SLC13A3: variants seen among roughly 807,000 people sequenced by gnomAD.
SLC13A3 encodes the protein solute carrier family 13 member 3.
SLC13A3 carries 40 observed loss-of-function variants against 59.0 expected under a neutral mutation model. That is an observed-to-expected ratio of 0.68 (90% CI 0.53 to 0.88). SLC13A3 has a LOEUF of 0.88. Ranked by LOEUF, SLC13A3 falls within the 40% of genes least tolerant of loss-of-function variation. The pLI, the probability that SLC13A3 is intolerant of heterozygous loss-of-function variation, is 0.00. For missense variants in SLC13A3, 699 were observed against 783.2 expected (o/e 0.89, Z 1.28); for synonymous variants, 317 against 330.3 (o/e 0.96, Z 0.44).
chr20:46,561,352 C>T (rs187234179), intron 12 of SLC13A3, among the ~76,000 whole-genome samples: 20 of 152,238 alleles, frequency 1.3e-4, no homozygotes, highest in Admixed American at 7.2e-4. Context: ...GTGTCACAGG[C>T]GTATGTCCTT....
chr20:46,635,350 A>T (rs554038915), intron 1 of SLC13A3, among the ~76,000 whole-genome samples: 14 of 152,056 alleles, frequency 9.2e-5, no homozygotes, highest in Admixed American at 3.9e-4. Context: ...CCCAAGAGAA[A>T]CCCTCTACCG....
intron 3 of SLC13A3, among the ~76,000 whole-genome samples, chr20:46,608,083 G>A (rs1326369802): frequency 3.3e-5 from 5 of 152,288 alleles, no homozygotes; most frequent in Admixed American, 1.3e-4. Context: ...CCATCAGGCA[G>A]TTCTCTTAAG....
At chr20:46,662,275 G>C (rs1362825546) in intron 1 of SLC13A3, among the ~76,000 whole-genome samples, 2 of 152,170 alleles carry the variant, frequency 1.3e-5, no homozygotes, top group African/African-American at 4.8e-5. Context: ...GGTGGTGTTA[G>C]AGTGGGAGCA....
intron 10 of SLC13A3, 138 bp downstream of exon 10, chr20:46,575,435 G>T: frequency 2.0e-6 from 1 of 500,912 alleles, no homozygotes; most frequent in African/African-American, 2.0e-5. Context: ...ATCTCAGTTT[G>T]GCAAGTGAGG....
chr20:46,568,832 C>T (rs981113773), intron 10 of SLC13A3, among the ~76,000 whole-genome samples: 6 of 152,214 alleles, frequency 3.9e-5, no homozygotes, highest in Admixed American at 6.5e-5. Context: ...TCTGAGTGAC[C>T]GGGCTTCCAG....
At chr20:46,578,905 G>A (rs936305373) in intron 9 of SLC13A3, among the ~76,000 whole-genome samples, 4 of 151,360 alleles carry the variant, frequency 2.6e-5, no homozygotes, top group Non-Finnish European at 2.9e-5. Context: ...CGTCGTCGTC[G>A]TCATCATCAT....
chr20:46,624,083 C>T (rs1008778630), intron 1 of SLC13A3, among the ~76,000 whole-genome samples: 1 of 152,160 alleles, frequency 6.6e-6, no homozygotes, highest in African/African-American at 2.4e-5. Context: ...GCCATCTCTG[C>T]CCCTCCATGA....
At chr20:46,574,369 C>A (rs1441399253) in intron 10 of SLC13A3, among the ~76,000 whole-genome samples, 1 of 152,152 alleles carries the variant, frequency 6.6e-6, no homozygotes, top group Non-Finnish European at 1.5e-5. Context: ...AAACATTACC[C>A]AACTCTTAGG....
At chr20:46,623,344 C>T (rs572686423) in intron 1 of SLC13A3, among the ~76,000 whole-genome samples, 2 of 152,250 alleles carry the variant, frequency 1.3e-5, no homozygotes, top group Middle Eastern at 3.4e-3. Context: ...AAGTTTCAGG[C>T]GTCTTCTATG....
At position 46,558,336 on chromosome 20, in the gene SLC13A3, A is replaced by G. The variant is rs1384806789; in HGVS notation, c.*1686T>C. 6.6e-6 allele frequency: 1 copy of G among 152,270 alleles called. No individual in the cohort carries two copies. The highest frequency in any genetic ancestry group is 1.5e-5 in the Non-Finnish European group (1 of 68,058). The allele number at this position is 152,270 out of a possible 1,614,324, so 9.4% of individuals were successfully genotyped here. ...GGAGGGAAGAGCAGTAGAAAATCAGAGAGGTCAACTCTGTGGAATCCCCAG... is the reference window on the plus strand; with the variant it reads ...GGAGGGAAGAGCAGTAGAAAATCAGGGAGGTCAACTCTGTGGAATCCCCAG... On this transcript the variant is annotated 3_prime_UTR_variant, in exon 13 of 13. Transcript: ENST00000279027.
chr20:46,586,872 T>G (rs1279816299), intron 8 of SLC13A3, among the ~76,000 whole-genome samples: 1 of 152,230 alleles, frequency 6.6e-6, no homozygotes, highest in African/African-American at 2.4e-5. Context: ...GGTGTTTGTC[T>G]GGACTCACAT....
intron 1 of SLC13A3, among the ~76,000 whole-genome samples, chr20:46,634,451 T>C (rs532847921): frequency 1.3e-5 from 2 of 152,226 alleles, no homozygotes; most frequent in Admixed American, 1.3e-4. Flanking sequence ...GGGCCATCTG[T>C]GTCCATCTGG....
intron 3 of SLC13A3, 95 bp from the exon 4 acceptor site, chr20:46,600,132 C>A: frequency 1.3e-6 from 1 of 788,524 alleles, no homozygotes; most frequent in South Asian, 2.7e-5. Context: ...GCTTTCTTTG[C>A]CAAGGATCCT....
intron 8 of SLC13A3, chr20:46,584,498 T>C (rs1212492375): frequency 1.0e-6 from 1 of 984,902 alleles, no homozygotes; most frequent in African/African-American, 1.7e-5. Flanking sequence ...ACCAAAGCTC[T>C]TTCCACTCAC....
chr20:46,600,257 G>GAAGGAAGGAAAGGAAAGGAAAGGA (rs1555878096), intron 3 of SLC13A3, among the ~76,000 whole-genome samples: 1 of 125,852 alleles, frequency 7.9e-6, no homozygotes. Context: ...ATGGAGGAAG[G>GAAGGAAGGAAAGGAAAGGAAAGGA]AAGGAAAGGA....
chr20:46,664,864 C>G (rs1600628922), intron 1 of SLC13A3, among the ~76,000 whole-genome samples: 2 of 152,196 alleles, frequency 1.3e-5, no homozygotes, highest in South Asian at 2.1e-4. Flanking sequence ...GGCTTTGAGG[C>G]AGCAGGCAAC....
At chr20:46,612,124 CTTTTTT>C (rs57019153) in intron 2 of SLC13A3, among the ~76,000 whole-genome samples, 4 of 68,942 alleles carry the variant, frequency 5.8e-5, no homozygotes, top group South Asian at 5.5e-4. Context: ...TCTCTCTTTG[CTTTTTT>C]TTTTTTTTTT....
At chr20:46,645,114 T>C (rs780887895) in intron 1 of SLC13A3, among the ~76,000 whole-genome samples, 13 of 152,172 alleles carry the variant, frequency 8.5e-5, no homozygotes, top group Non-Finnish European at 1.8e-4. Context: ...GGAGGCCACC[T>C]GCATTCCTCA....
chr20:46,652,678 C>T (rs534091064), upstream of SLC13A3, among the ~76,000 whole-genome samples: 3 of 151,602 alleles, frequency 2.0e-5, no homozygotes, highest in African/African-American at 7.3e-5. Context: ...TACAGGTGTG[C>T]GTCACCACGC....
Sources: allele counts gnomAD v4.1 joint callset (sites outside exome capture counted in the v4.1 genomes callset), GRCh38; gene constraint gnomAD v4.1.1; transcripts MANE v1.5; gene names NCBI Gene and HGNC (gene_info 2026-07-23, HGNC 2026-07-21).